PCDHGA2: variants seen among roughly 807,000 people sequenced by gnomAD.
The protein encoded by PCDHGA2 is protocadherin gamma subfamily A, 2.
PCDHGA2 carries 40 observed loss-of-function variants against 59.2 expected under a neutral mutation model. The ratio of observed to expected loss-of-function variants is 0.68; its 90% confidence interval spans 0.52 to 0.88. PCDHGA2 has a LOEUF of 0.88. PCDHGA2 is among the 40% of genes least tolerant of loss of function. The probability of loss-of-function intolerance (pLI) is 0.00; values close to 1 mark genes in which losing one functional copy is unlikely to be tolerated. For missense variants in PCDHGA2, 1,226 were observed against 1,204.0 expected, an observed-to-expected ratio of 1.02 and a Z score of -0.27; for synonymous variants, 560 against 526.0, an observed-to-expected ratio of 1.06 and a Z score of -0.89.
At chr5:141,376,425 A>G in intron 1 of PCDHGA2, 7 of 1,614,182 alleles carry the variant, frequency 4.3e-6, no homozygotes, top group Non-Finnish European at 4.2e-6. Context: ...ACGCTTATCA[A>G]CCAGGAGAGC....
intron 1 of PCDHGA2, chr5:141,403,093 C>T (rs1368239890): frequency 6.2e-7 from 1 of 1,614,072 alleles, no homozygotes; most frequent in Non-Finnish European, 8.5e-7. Flanking sequence ...TTGTGGGCAA[C>T]ATCTCCAAGG....
chr5:141,367,606 T>A (rs1765261229), intron 1 of PCDHGA2: 1 of 152,056 alleles, frequency 6.6e-6, no homozygotes, highest in African/African-American at 2.4e-5. Context: ...ATATTAATGA[T>A]AACATGTAGC....
Position 141,370,276 on chromosome 5 carries a change from C to G in PCDHGA2, c.2424+28881C>G, listed in dbSNP as rs1259059865. The G allele has an allele frequency of 3.6e-6, 3 of 839,228 alleles. No homozygotes were observed. The African/African-American group carries it at 5.1e-5, about 14-fold the overall frequency. 52.0% of individuals were successfully genotyped at this position (839,228 alleles called of 1,614,324 possible). ...ATCAGGCTTCCTGCAGCGGAGACAC[C>G]CATTAGAGAACCCAAGCACAAAGAC... On this transcript the variant is annotated intron_variant, in intron 1 of 3. Coordinates refer to ENST00000394576, the MANE Select transcript of PCDHGA2 (RefSeq NM_018915.4).
chr5:141,374,274 T>C lies in PCDHGA2; in HGVS notation c.2424+32879T>C, dbSNP rs981240859. ...CCCCAGGAGTTGGCGGAGCACGGAG[T>C]CCGCATCGTCTCCAGAGGTAGGATG... On this transcript the variant is annotated intron_variant, in intron 1 of 3. Transcript: ENST00000394576. The C allele has an allele frequency of 6.2e-7, 1 of 1,613,742 alleles. No homozygotes were observed. Among genetic ancestry groups the C allele is most frequent in the African/African-American group, 1.3e-5 (1 of 74,888 alleles).
intron 1 of PCDHGA2, chr5:141,375,931 T>C (rs746995876): frequency 6.2e-6 from 10 of 1,613,646 alleles, no homozygotes; most frequent in South Asian, 4.4e-5. Context: ...AGCCAGGACT[T>C]TTCTCAGTGG....
intron 1 of PCDHGA2, chr5:141,351,015 T>C (rs752618753): frequency 1.2e-6 from 2 of 1,614,054 alleles, no homozygotes; most frequent in Non-Finnish European, 1.7e-6. Flanking sequence ...CAAGAAAACG[T>C]ACCGTGGGGA....
chr5:141,495,005 C>A, intron 2 of PCDHGA2, 140 bp downstream of exon 2: 1 of 1,522,810 alleles, frequency 6.6e-7, no homozygotes. Context: ...TCTTGGTGTG[C>A]GGGGGGCTGG....
At chr5:141,359,934 C>A (rs1014353830) in intron 1 of PCDHGA2, 1 of 464,554 alleles carries the variant, frequency 2.2e-6, no homozygotes, top group East Asian at 3.3e-5. Flanking sequence ...AACCTCTGAG[C>A]GTCGCTGTTG....
chr5:141,355,327 T>C (rs1465140874), intron 1 of PCDHGA2: 2 of 1,613,822 alleles, frequency 1.2e-6, no homozygotes, highest in Non-Finnish European at 1.7e-6. Context: ...GGAAGAAGGC[T>C]CAGTGGTGGG....
At chr5:141,394,690 T>A (rs745602076) in intron 1 of PCDHGA2, 1 of 1,610,768 alleles carries the variant, frequency 6.2e-7, no homozygotes, top group East Asian at 2.2e-5. Flanking sequence ...ACGGGCGAGG[T>A]GCGCACGGCG....
At chr5:141,344,192 G>A in intron 1 of PCDHGA2, 1 of 1,614,020 alleles carries the variant, frequency 6.2e-7, no homozygotes, top group Non-Finnish European at 8.5e-7. Flanking sequence ...ACGACCTGGG[G>A]CTAGAGCCCC....
At chr5:141,372,897 C>A in intron 1 of PCDHGA2, 1 of 1,104,764 alleles carries the variant, frequency 9.1e-7, no homozygotes, top group Non-Finnish European at 1.3e-6. Flanking sequence ...ATTAAATATT[C>A]CCTGATTACA....
chr5:141,422,450 G>C (rs748354292), intron 1 of PCDHGA2: 71 of 1,611,564 alleles, frequency 4.4e-5, no homozygotes, highest in Non-Finnish European at 5.9e-5. Flanking sequence ...TTGATAACAA[G>C]CAGAGTGCTG....
At chr5:141,356,208 A>T in intron 1 of PCDHGA2, 1 of 1,605,906 alleles carries the variant, frequency 6.2e-7, no homozygotes, top group African/African-American at 1.3e-5. Flanking sequence ...TACTGGTGAC[A>T]GTTCTGGATG....
chr5:141,433,168 T>A, intron 1 of PCDHGA2: 6 of 1,613,438 alleles, frequency 3.7e-6, no homozygotes, highest in Non-Finnish European at 3.4e-6. Context: ...CTAAAGACAG[T>A]CATGGGTTAA....
intron 1 of PCDHGA2, chr5:141,398,671 A>G (rs759202675): frequency 1.2e-6 from 2 of 1,614,018 alleles, no homozygotes; most frequent in Non-Finnish European, 1.7e-6. Context: ...CTCATTAATA[A>G]TTAAGGAGAA....
chr5:141,393,934 A>G, intron 1 of PCDHGA2: 3 of 1,613,984 alleles, frequency 1.9e-6, no homozygotes, highest in Non-Finnish European at 2.5e-6. Context: ...GTGCATGACC[A>G]AGACTCTGGA....
intron 2 of PCDHGA2, among the ~76,000 whole-genome samples, chr5:141,503,595 G>A (rs6892628): frequency 7.1e-6 from 1 of 140,086 alleles, no homozygotes. Context: ...CGAGACTCCA[G>A]CTCAAAAAAA....
At chr5:141,502,891 C>G (rs2099816930) in intron 2 of PCDHGA2, among the ~76,000 whole-genome samples, 1 of 117,990 alleles carries the variant, frequency 8.5e-6, no homozygotes, top group African/African-American at 3.4e-5. Context: ...GACAGGGAGT[C>G]TAGCTCTGTT....
Sources: gnomAD v4.1 joint callset for allele counts (sites outside exome capture counted in the v4.1 genomes callset) on GRCh38, gnomAD v4.1.1 for gene constraint, MANE v1.5 for transcripts, NCBI Gene and HGNC (gene_info 2026-07-23, HGNC 2026-07-21) for gene names.